C1orf105: variants seen among roughly 807,000 people sequenced by gnomAD.
The protein encoded by C1orf105 is chromosome 1 open reading frame 105, also known as uncharacterized protein C1orf105.
Under a neutral mutation model 20.8 loss-of-function variants are expected in C1orf105, and 17 were observed. The ratio of observed to expected loss-of-function variants is 0.82; its 90% CI spans 0.56 to 1.23. The LOEUF (loss-of-function observed/expected upper bound fraction) is 1.23, where lower values mean the gene tolerates loss of function less well. Ranked by LOEUF, C1orf105 falls within the 50% of genes most tolerant of loss-of-function variation. The pLI is 0.00. For synonymous variants in C1orf105, 72 were observed against 72.1 expected, an observed-to-expected ratio of 1.00 and a Z score of 0.01; for missense variants, 219 against 213.5, an observed-to-expected ratio of 1.03 and a Z score of -0.16.
chr1:172,436,274 G>T (rs1416783007), intron 1 of C1orf105, among the ~76,000 whole-genome samples: 4 of 152,146 alleles, frequency 2.6e-5, no homozygotes, highest in African/African-American at 9.7e-5. Flanking sequence ...AAAAGAGCAT[G>T]CATTGCCAAG....
intron 1 of C1orf105, among the ~76,000 whole-genome samples, chr1:172,434,931 C>T (rs1416557316): frequency 2.0e-5 from 3 of 152,208 alleles, no homozygotes; most frequent in Non-Finnish European, 2.9e-5. Flanking sequence ...ACCAATCCCA[C>T]AGAAATACAA....
intron 3 of C1orf105, chr1:172,453,054 C>G: frequency 1.3e-6 from 2 of 1,550,612 alleles, no homozygotes; most frequent in Non-Finnish European, 1.7e-6. Context: ...GACATGGCGT[C>G]TCAAATGTTT....
chr1:172,439,977 T>C (rs1302056058), intron 1 of C1orf105, among the ~76,000 whole-genome samples: 1 of 152,158 alleles, frequency 6.6e-6, no homozygotes, highest in Admixed American at 6.5e-5. Flanking sequence ...TGTCCTTGGA[T>C]ATAGAAAGCA....
chr1:172,438,657 A>T (rs919576781), intron 1 of C1orf105, among the ~76,000 whole-genome samples: 1 of 152,260 alleles, frequency 6.6e-6, no homozygotes, highest in Non-Finnish European at 1.5e-5. Context: ...TGAAATTGTT[A>T]TAAAGCAGTG....
intron 3 of C1orf105, chr1:172,453,045 A>T: frequency 6.4e-7 from 1 of 1,550,632 alleles, no homozygotes; most frequent in South Asian, 1.2e-5. Context: ...GGCCTGCAGG[A>T]CATGGCGTCT....
At chr1:172,431,008 C>G (rs943250448) in intron 1 of C1orf105, 1 of 585,456 alleles carries the variant, frequency 1.7e-6, no homozygotes, top group Non-Finnish European at 3.0e-6. Context: ...TGTGTTCTGA[C>G]TGCTCCACTG....
chr1:172,453,284 C>A, intron 3 of C1orf105: 2 of 1,350,462 alleles, frequency 1.5e-6, no homozygotes, highest in Non-Finnish European at 2.0e-6. Flanking sequence ...TTTTTGAACA[C>A]AAAGACCATT....
chr1:172,453,302 G>A, intron 3 of C1orf105: 1 of 1,247,284 alleles, frequency 8.0e-7, no homozygotes, highest in Non-Finnish European at 1.1e-6. Flanking sequence ...ATTATCGGTA[G>A]GGGAAGGGAG....
At chr1:172,455,665 T>C (rs1649154871) in intron 3 of C1orf105, among the ~76,000 whole-genome samples, 1 of 152,182 alleles carries the variant, frequency 6.6e-6, no homozygotes, top group African/African-American at 2.4e-5. Context: ...TTTGCAGAAA[T>C]GAAGTCAGAA....
intron 1 of C1orf105, chr1:172,430,441 C>A (rs1371558473): frequency 6.7e-6 from 4 of 600,828 alleles, no homozygotes; most frequent in South Asian, 4.0e-5. Flanking sequence ...TTTTCTTAAA[C>A]CTTTTTTTAT....
In C1orf105 at chr1:172,450,425, C is replaced by T. The variant is rs544186341; in HGVS notation, c.198+1894C>T. Among the ~76,000 whole-genome samples the T allele has an allele frequency of 3.9e-5, 6 of 152,346 alleles. No individual in the cohort carries two copies. The South Asian group carries it at 8.3e-4, about 21-fold the overall frequency. On this transcript the variant is annotated intron_variant, in intron 3 of 6. Transcript: ENST00000367727. Reference sequence around the variant, plus strand: ...TGAATCTGGCTCCCAGAGTCTACTGCGTGTATGAAGGCCTGCACGTATGTG... The same window carrying T: ...TGAATCTGGCTCCCAGAGTCTACTGTGTGTATGAAGGCCTGCACGTATGTG...
At chr1:172,437,334 C>A (rs2072069902) in intron 1 of C1orf105, among the ~76,000 whole-genome samples, 1 of 152,008 alleles carries the variant, frequency 6.6e-6, no homozygotes, top group South Asian at 2.1e-4. Flanking sequence ...TGGAACCAAC[C>A]CAAATGTCCA....
chr1:172,448,654 A>C, intron 3 of C1orf105, 123 bp downstream of exon 3: 1 of 605,424 alleles, frequency 1.7e-6, no homozygotes, highest in Non-Finnish European at 3.0e-6. Context: ...TTCAATAAAT[A>C]TTTGTTAAAT....
At chr1:172,460,576 A>T (rs1484846292) in intron 4 of C1orf105, among the ~76,000 whole-genome samples, 1 of 151,912 alleles carries the variant, frequency 6.6e-6, no homozygotes, top group Non-Finnish European at 1.5e-5. Flanking sequence ...ATATATTAAA[A>T]AATAGTTTCA....
chr1:172,453,117 C>T, intron 3 of C1orf105: 1 of 1,550,952 alleles, frequency 6.4e-7, no homozygotes, highest in Non-Finnish European at 8.7e-7. Flanking sequence ...TCTTCAATGC[C>T]CTCATCCCTT....
chr1:172,460,522 G>A (rs918336403), intron 4 of C1orf105, among the ~76,000 whole-genome samples: 6 of 152,150 alleles, frequency 3.9e-5, no homozygotes, highest in African/African-American at 1.4e-4. Context: ...CCCCTTAAAA[G>A]TAGGACCATC....
At chr1:172,451,757 A>G (rs1160968977) in intron 3 of C1orf105, among the ~76,000 whole-genome samples, 1 of 151,998 alleles carries the variant, frequency 6.6e-6, no homozygotes. Context: ...ATTTTCAGAT[A>G]GAAGGAACAT....
At chr1:172,441,308 TAA>T (rs1431070933) in intron 1 of C1orf105, 2 of 154,224 alleles carry the variant, frequency 1.3e-5, no homozygotes, top group Non-Finnish European at 2.9e-5. Flanking sequence ...CCTAGATAAA[TAA>T]AAGAGCATTA....
At chr1:172,423,835 G>A (rs1250405723) in intron 1 of C1orf105, among the ~76,000 whole-genome samples, 2 of 152,008 alleles carry the variant, frequency 1.3e-5, no homozygotes, top group African/African-American at 2.4e-5. Flanking sequence ...ACTGAAGGAT[G>A]CATCCATCAG....
Sources: allele counts gnomAD v4.1 joint callset (sites outside exome capture counted in the v4.1 genomes callset), GRCh38; gene constraint gnomAD v4.1.1; transcripts MANE v1.5; gene names NCBI Gene and HGNC (gene_info 2026-07-23, HGNC 2026-07-21).